Variants in PIP4P2 observed in about 807,000 individuals in gnomAD.
PIP4P2 encodes the protein phosphatidylinositol-4,5-bisphosphate 4-phosphatase 2.
PIP4P2 carries 19 observed loss-of-function variants against 33.3 expected under a neutral mutation model. The ratio of observed to expected loss-of-function variants is 0.57; its 90% confidence interval spans 0.40 to 0.84. The LOEUF (loss-of-function observed/expected upper bound fraction) is 0.84. PIP4P2 is among the 40% of genes least tolerant of loss of function. The pLI, the probability that PIP4P2 is intolerant of heterozygous loss-of-function variation, is 0.00. For synonymous variants in PIP4P2, 110 were observed against 111.9 expected (o/e 0.98, Z 0.11); for missense variants, 270 against 324.7 (o/e 0.83, Z 1.29).
intron 1 of PIP4P2, among the ~76,000 whole-genome samples, chr8:91,026,276 C>G (rs1411706162): frequency 6.6e-6 from 1 of 152,104 alleles, no homozygotes; most frequent in African/African-American, 2.4e-5. Flanking sequence ...TTACTTCACC[C>G]TGGCAGTGGT....
intron 4 of PIP4P2, among the ~76,000 whole-genome samples, chr8:91,015,192 CG>C (rs1329531331): frequency 1.3e-5 from 2 of 152,122 alleles, no homozygotes; most frequent in Non-Finnish European, 2.9e-5. Context: ...GGCTGTCTCT[CG>C]GGCATATCTC....
intron 4 of PIP4P2, chr8:91,016,547 C>T (rs1205324555): frequency 6.6e-6 from 1 of 152,076 alleles, no homozygotes; most frequent in African/African-American, 2.4e-5. Context: ...AACTGGCAAC[C>T]TAGAATTGCA....
At position 90,994,591 on chromosome 8, in the gene PIP4P2, A is replaced by G. The variant is rs1487908028; in HGVS notation, c.*1086T>C. Reference sequence around the variant, plus strand: ...GCGAGAGCTGATTCCATAAATTTCAATGAATTCTTAGAAAATTATGTTGTT... The same window carrying G: ...GCGAGAGCTGATTCCATAAATTTCAGTGAATTCTTAGAAAATTATGTTGTT... On this transcript the variant is annotated 3_prime_UTR_variant, in exon 7 of 7. Transcript: ENST00000285419. 2.6e-5 allele frequency: 4 copies of G among 152,566 alleles called. No homozygotes were observed. Among genetic ancestry groups the G allele is most frequent in the Admixed American group, 6.5e-5 (1 of 15,274 alleles). 9.5% of individuals were successfully genotyped at this position (152,566 alleles called of 1,614,324 possible).
At chr8:91,008,824 A>G in intron 4 of PIP4P2, 29 bp from the exon 5 acceptor site, 2 of 1,568,796 alleles carry the variant, frequency 1.3e-6, no homozygotes, top group Non-Finnish European at 1.7e-6. Flanking sequence ...GAGGAATTGA[A>G]AAGAAAACAA....
intron 3 of PIP4P2, 173 bp from the exon 4 acceptor site, chr8:91,018,686 G>T: frequency 1.2e-6 from 1 of 843,930 alleles, no homozygotes; most frequent in Non-Finnish European, 1.8e-6. Context: ...TTTTTCAAAA[G>T]CAAAATATGA....
intron 4 of PIP4P2, among the ~76,000 whole-genome samples, chr8:91,009,628 T>C (rs1193572496): frequency 1.3e-5 from 2 of 151,916 alleles, no homozygotes; most frequent in Non-Finnish European, 2.9e-5. Context: ...AATTGTTTCA[T>C]TTGGAAATCT....
At position 91,008,832 on chromosome 8, in the gene PIP4P2, C is replaced by A. The variant is rs1169234440; in HGVS notation, c.487-37G>T. On this transcript the variant is annotated intron_variant, in intron 4 of 6. Transcript: ENST00000285419. ...ACAAAGAGAGGAATTGAAAAGAAAA[C>A]AACTGAAAACTATCCAATCTGATAA... The A allele has an allele frequency of 3.3e-6, 5 of 1,529,008 alleles. No homozygotes were observed. The African/African-American group carries it at 5.4e-5, about 17-fold the overall frequency. The allele number at this position is 1,529,008 out of a possible 1,614,324, so 94.7% of individuals were successfully genotyped here.
In PIP4P2 at chr8:90,994,310, A is replaced by G. The variant is rs1811599531; in HGVS notation, c.*1367T>C. 1 of 152,144 alleles carries G rather than the reference A, an allele frequency of 6.6e-6. No homozygotes were observed. Among genetic ancestry groups the G allele is most frequent in the Non-Finnish European group, 1.5e-5 (1 of 67,962 alleles). 9.4% of individuals were successfully genotyped at this position (152,144 alleles called of 1,614,324 possible). ...TCTTTATTAGTGTATTTTTAAAGGT[A>G]CATATAATCCTGAGCTACAGCATTT... On this transcript the variant is annotated 3_prime_UTR_variant, in exon 7 of 7. Transcript: ENST00000285419.
intron 1 of PIP4P2, among the ~76,000 whole-genome samples, chr8:91,033,122 C>T (rs1276459971): frequency 6.6e-6 from 1 of 152,230 alleles, no homozygotes; most frequent in Non-Finnish European, 1.5e-5. Flanking sequence ...GAAAATGCTA[C>T]TGTACATTTA....
In PIP4P2 at chr8:90,994,150, A is replaced by G. The variant is rs1273809215; in HGVS notation, c.*1527T>C. On this transcript the variant is annotated 3_prime_UTR_variant, in exon 7 of 7. Coordinates refer to ENST00000285419, the MANE Select transcript of PIP4P2 (RefSeq NM_018710.3). ...AAATAAAACCATTTGAAAATAGTAC[A>G]AAAAACATAAATGAATATTATATAA... is the stretch of plus-strand genomic sequence containing the variant. 1 of 152,152 alleles carries G rather than the reference A, an allele frequency of 6.6e-6. No homozygotes were observed. The highest frequency in any genetic ancestry group is 1.9e-4 in the East Asian group (1 of 5,206). 9.4% of individuals were successfully genotyped at this position (152,152 alleles called of 1,614,324 possible).
At chr8:91,004,922 A>G (rs1563562103) in intron 5 of PIP4P2, among the ~76,000 whole-genome samples, 2 of 152,172 alleles carry the variant, frequency 1.3e-5, no homozygotes, top group South Asian at 2.1e-4. Context: ...TGGGAAGTCA[A>G]TCAAGGACAC....
intron 1 of PIP4P2, among the ~76,000 whole-genome samples, chr8:91,037,920 A>G (rs1183142767): frequency 6.6e-6 from 1 of 152,178 alleles, no homozygotes; most frequent in Non-Finnish European, 1.5e-5. Context: ...TATTTCTTCC[A>G]ATCTCCTTTC....
At position 91,040,806 on chromosome 8, in the gene PIP4P2, G is replaced by T; in HGVS notation, c.-57C>A. 1 of 1,529,000 alleles carries T rather than the reference G, an allele frequency of 6.5e-7. No homozygotes were observed. Among genetic ancestry groups the T allele is most frequent in the Non-Finnish European group, 9.0e-7 (1 of 1,115,310 alleles). The allele number at this position is 1,529,000 out of a possible 1,614,324, so 94.7% of individuals were successfully genotyped here. On this transcript the variant is annotated 5_prime_UTR_variant, in exon 1 of 7. Transcript: ENST00000285419. ...GAGCCGGGGTTGCGGCCTCGGCGGA[G>T]TGGTGGCTACTGCTGCTGCCTCTGC...
chr8:91,019,365 C>G (rs72664410), intron 3 of PIP4P2, among the ~76,000 whole-genome samples: 61,666 of 125,442 alleles, frequency 0.49, 17,678 homozygotes, highest in Non-Finnish European at 0.64. Flanking sequence ...TTCAAGACAG[C>G]CCGGGCAATA....
chr8:91,018,753 C>A (rs1811956277), intron 3 of PIP4P2: 2 of 389,226 alleles, frequency 5.1e-6, no homozygotes, highest in South Asian at 9.0e-5. Flanking sequence ...CAATGGCAAC[C>A]ATTTAACTGT....
intron 1 of PIP4P2, among the ~76,000 whole-genome samples, chr8:91,029,753 G>A (rs1023150563): frequency 6.6e-6 from 1 of 152,068 alleles, no homozygotes; most frequent in South Asian, 2.1e-4. Context: ...GGCAGATCAC[G>A]AGGTCAGGAG....
At chr8:91,024,236 T>C (rs1465899915) in intron 1 of PIP4P2, 6 of 392,134 alleles carry the variant, frequency 1.5e-5, no homozygotes, top group Non-Finnish European at 2.6e-5. Flanking sequence ...TTAAACTGAT[T>C]TAGACAGATT....
intron 1 of PIP4P2, among the ~76,000 whole-genome samples, chr8:91,027,913 AT>A (rs1812104358): frequency 1.3e-5 from 2 of 152,314 alleles, no homozygotes; most frequent in South Asian, 4.1e-4. Flanking sequence ...GCATCAATAA[AT>A]ACATTATTTA....
At chr8:91,008,850 T>A in intron 4 of PIP4P2, 55 bp from the exon 5 acceptor site, 3 of 1,443,526 alleles carry the variant, frequency 2.1e-6, no homozygotes, top group Non-Finnish European at 2.9e-6. Context: ...AACTATCCAA[T>A]CTGATAAGAC....
Sources: gnomAD v4.1 joint callset for allele counts (sites outside exome capture counted in the v4.1 genomes callset) on GRCh38, gnomAD v4.1.1 for gene constraint, MANE v1.5 for transcripts, NCBI Gene and HGNC (gene_info 2026-07-23, HGNC 2026-07-21) for gene names.